KIF1B: variants seen among roughly 807,000 people sequenced by gnomAD.
KIF1B encodes the protein kinesin family member 1B.
In KIF1B, 76 loss-of-function variants were observed where a neutral mutation model predicts 241.9. The observed-to-expected ratio is 0.31, with a 90% CI of 0.26 to 0.38. The LOEUF (loss-of-function observed/expected upper bound fraction) is 0.38, where lower values mean the gene tolerates loss of function less well. Among genes scored for constraint, KIF1B ranks in the 10% least tolerant of loss-of-function variants. KIF1B has a pLI of 1.00. For missense variants in KIF1B, 1,622 were observed against 2,271.4 expected, an observed-to-expected ratio of 0.71 and a Z score of 5.81; for synonymous variants, 750 against 796.7, an observed-to-expected ratio of 0.94 and a Z score of 0.99.
At position 10,357,707 on chromosome 1, in the gene KIF1B, C is replaced by T. The variant is rs899353491; in HGVS notation, c.4056-3222C>T. Among the ~76,000 whole-genome samples the T allele has an allele frequency of 5.3e-5, 8 of 152,100 alleles. No individual in the cohort carries two copies. In the East Asian group the frequency reaches 1.5e-3, roughly 29 times the overall value. On this transcript the variant is annotated intron_variant, in intron 38 of 48. Transcript: ENST00000676179. ...TCCAGCCTGGGCAACAGAGCAAGACCCTTGTCTAAAAATAAAATAGGCCAG... is the reference window on the plus strand; with the variant it reads ...TCCAGCCTGGGCAACAGAGCAAGACTCTTGTCTAAAAATAAAATAGGCCAG...
rs565900670 is a variant in KIF1B at position 10,376,849 on chromosome 1, A to G, written c.*262A>G. The G allele has an allele frequency of 1.7e-5, 8 of 460,356 alleles. No homozygotes were observed. Among genetic ancestry groups the G allele is most frequent in the South Asian group, 1.7e-4 (8 of 47,814 alleles). 28.5% of individuals were successfully genotyped at this position (460,356 alleles called of 1,614,324 possible). A position where few individuals can be genotyped will look rare whatever the true frequency, so the allele number is the denominator to read the frequency against. ...AATGTTTTTAAACACACACACACAC[A>G]CACACACACACACACACATACACAG... is the stretch of plus-strand genomic sequence containing the variant. On this transcript the variant is annotated 3_prime_UTR_variant, in exon 49 of 49. Coordinates refer to ENST00000676179, the MANE Select transcript of KIF1B (RefSeq NM_001365951.3).
At chr1:10,275,589 A>G in intron 11 of KIF1B, 86 bp downstream of exon 11, 1 of 835,620 alleles carries the variant, frequency 1.2e-6, no homozygotes, top group East Asian at 2.4e-5. Flanking sequence ...TTTTGGAGAC[A>G]AATAATCTCT....
rs569477430 is a variant in KIF1B at position 10,276,195 on chromosome 1, A to G, written c.959-126A>G. ...TGAGACTCCCTCTCAAAAAAAAAAT[A>G]AAAGAAAGAAATTTGACATTACATT... On this transcript the variant is annotated intron_variant, in intron 11 of 48. Transcript: ENST00000676179. 1.5e-4 allele frequency: 113 copies of G among 762,330 alleles called. 1 individual carries two copies. The African/African-American group carries it at 1.7e-3, about 12-fold the overall frequency. 47.2% of individuals were successfully genotyped at this position (762,330 alleles called of 1,614,324 possible). A position where few individuals can be genotyped will look rare whatever the true frequency, so the allele number is the denominator to read the frequency against.
Position 10,365,730 on chromosome 1 carries a change from T to A in KIF1B, c.4752+82T>A. 2 of 1,582,826 alleles carry A rather than the reference T, an allele frequency of 1.3e-6. No homozygotes were observed. Among genetic ancestry groups the A allele is most frequent in the Non-Finnish European group, 1.7e-6 (2 of 1,159,416 alleles). On this transcript the variant is annotated intron_variant, in intron 43 of 48. Transcript: ENST00000676179. The surrounding 1 kb of genome is among the most constrained non-coding windows in gnomAD (Gnocchi z 4.0). ...TCTCGGTTTATTCATTTTCAACACC[T>A]TTGTTCGAGGTGTTTGAAGGCCTGT...
Position 10,377,496 on chromosome 1 carries a change from C to T in KIF1B, c.*909C>T, listed in dbSNP as rs1286237615. Reference sequence around the variant, plus strand: ...TTTTTTCTCTGTTGGGAGGGAAGCTCTTTTCTAGGAGTGTCTCAGTTCTGC... The same window carrying T: ...TTTTTTCTCTGTTGGGAGGGAAGCTTTTTTCTAGGAGTGTCTCAGTTCTGC... On this transcript the variant is annotated 3_prime_UTR_variant, in exon 49 of 49. Coordinates refer to ENST00000676179, the MANE Select transcript of KIF1B (RefSeq NM_001365951.3). 8.8e-6 allele frequency: 2 copies of T among 227,484 alleles called. No homozygotes were observed. Among genetic ancestry groups the T allele is most frequent in the Non-Finnish European group, 1.7e-5 (2 of 114,600 alleles). The allele number at this position is 227,484 out of a possible 1,614,324, so 14.1% of individuals were successfully genotyped here.
rs771574074 is a variant in KIF1B, at chr1:10,303,434, A to G, written c.2115+6188A>G. ...GAGATTTGCTATGAGGTTGCTCTCA[A>G]TGACTTCAGGCACAGTCGGCAGGAG... is the stretch of plus-strand genomic sequence containing the variant. On this transcript the variant is annotated intron_variant, in intron 22 of 48. Transcript: ENST00000676179. The surrounding 1 kb of genome is among the most constrained non-coding windows in gnomAD (Gnocchi z 5.2). The G allele has an allele frequency of 2.1e-5, 34 of 1,614,132 alleles. No homozygotes were observed. In the East Asian group the frequency reaches 3.3e-4, roughly 16 times the overall value.
chr1:10,223,104 T>C lies in KIF1B; in HGVS notation c.-79-9146T>C, dbSNP rs187335149. 2.5e-3 allele frequency among the ~76,000 whole-genome samples: 375 copies of C among 150,764 alleles called. 3 individuals are homozygous for C. The highest frequency in any genetic ancestry group is 8.1e-3 in the African/African-American group (331 of 40,866). On this transcript the variant is annotated intron_variant, in intron 1 of 48. Coordinates refer to ENST00000676179, the MANE Select transcript of KIF1B (RefSeq NM_001365951.3). ...CTGTCTCTACTAAAAATACAAAAAT[T>C]AGCCAGGTGTGGTGGCACGCACCTG...
rs1225116992 is a variant in KIF1B, at chr1:10,255,393, C to T, written c.107-854C>T. 2.0e-5 allele frequency among the ~76,000 whole-genome samples: 3 copies of T among 152,046 alleles called. No individual in the cohort carries two copies. In the East Asian group the frequency reaches 5.9e-4, roughly 30 times the overall value. ...TCACCTGAGGTCAGGAGTTCGAGAC[C>T]AGCCTGGCCAACATGGTGAAACCCT... On this transcript the variant is annotated intron_variant, in intron 2 of 48. Coordinates refer to ENST00000676179, the MANE Select transcript of KIF1B (RefSeq NM_001365951.3).
In KIF1B at chr1:10,230,372, A is replaced by C. The variant is rs531128984; in HGVS notation, c.-79-1878A>C. On this transcript the variant is annotated intron_variant, in intron 1 of 48. Transcript: ENST00000676179. ...TTTTCCTTTGTTTGGTTATTCTTGA[A>C]AAAGATTTTATATTGGATAGAGTGT... is the stretch of plus-strand genomic sequence containing the variant. Among the ~76,000 whole-genome samples the C allele has an allele frequency of 2.6e-5, 4 of 152,144 alleles. No homozygotes were observed. In the South Asian group the frequency reaches 8.3e-4, roughly 32 times the overall value.
chr1:10,218,029 G>T (rs1205948139), intron 1 of KIF1B, among the ~76,000 whole-genome samples: 1 of 152,072 alleles, frequency 6.6e-6, no homozygotes, highest in Non-Finnish European at 1.5e-5. Context: ...CAAATAAAGG[G>T]CTGGGGGGAG....
At chr1:10,364,196 G>A (rs1358996539) in intron 41 of KIF1B, among the ~76,000 whole-genome samples, 1 of 149,458 alleles carries the variant, frequency 6.7e-6, no homozygotes, top group Non-Finnish European at 1.5e-5. Flanking sequence ...TTTAGGGACA[G>A]GATCTTTTTT....
At chr1:10,218,200 C>T (rs1202417651) in intron 1 of KIF1B, among the ~76,000 whole-genome samples, 1 of 152,172 alleles carries the variant, frequency 6.6e-6, no homozygotes, top group Non-Finnish European at 1.5e-5. Context: ...CCTCCTGCCC[C>T]CCACTTCATG....
intron 2 of KIF1B, among the ~76,000 whole-genome samples, chr1:10,240,852 C>T (rs969137144): frequency 2.0e-5 from 3 of 151,438 alleles, no homozygotes; most frequent in Admixed American, 6.6e-5. Flanking sequence ...GTGTGAACCA[C>T]CACACCTGGC....
intron 22 of KIF1B, chr1:10,308,106 C>T: frequency 9.4e-7 from 1 of 1,060,656 alleles, no homozygotes; most frequent in Admixed American, 5.4e-5. Flanking sequence ...CATAGACTTC[C>T]TGCAGTCAGC....
chr1:10,364,266 G>T (rs765058330), intron 41 of KIF1B, among the ~76,000 whole-genome samples: 1 of 147,606 alleles, frequency 6.8e-6, no homozygotes, highest in African/African-American at 2.5e-5. Context: ...GTGTGGTGGC[G>T]CCATCTTGGC....
chr1:10,364,987 C>G, intron 41 of KIF1B, 113 bp from the exon 42 acceptor site: 1 of 916,286 alleles, frequency 1.1e-6, no homozygotes. Context: ...GCCTGGGCAA[C>G]AGAGCGAGAC....
rs769602520 is a variant in KIF1B, at chr1:10,337,075, G to A, written c.3131G>A (p.Ser1044Asn). ...ISFDNEYFNQSDFSSVAMTRS... is the reference protein window; with the variant it reads ...ISFDNEYFNQNDFSSVAMTRS... ...TATCTGCCCCTGCCTTTTTTTCAGA[G>A]TGACTTTTCGTCTGTTGCAATGACT... is the stretch of plus-strand genomic sequence containing the variant. Residue 1044 changes from serine to asparagine, a missense_variant and splice_region_variant, in exon 30 of 49, where the codon AGT becomes AAT. Ser to Asn is a conservative substitution (Grantham distance 46). Transcript: ENST00000676179. The surrounding 1 kb of genome is among the most constrained non-coding windows in gnomAD (Gnocchi z 4.0). 33 of 1,613,888 alleles carry A rather than the reference G, an allele frequency of 2.0e-5. No individual in the cohort carries two copies. The African/African-American group carries it at 4.0e-4, about 20-fold the overall frequency.
At chr1:10,294,955 A>G in intron 17 of KIF1B, 131 bp from the exon 18 acceptor site, 1 of 734,350 alleles carries the variant, frequency 1.4e-6, no homozygotes, top group Non-Finnish European at 2.5e-6. Flanking sequence ...AACCGCAACT[A>G]GGGATAAAAA....
At chr1:10,345,654 C>G (rs548766297) in intron 34 of KIF1B, 191 bp from the exon 35 acceptor site, 1 of 599,620 alleles carries the variant, frequency 1.7e-6, no homozygotes, top group East Asian at 2.9e-5. Context: ...TCCTTGTTCT[C>G]TGAATGTAGA....
Sources: allele counts gnomAD v4.1 joint callset (sites outside exome capture counted in the v4.1 genomes callset), GRCh38; gene constraint gnomAD v4.1.1; non-coding constraint Gnocchi (gnomAD v3.1); transcripts MANE v1.5; gene names NCBI Gene and HGNC (gene_info 2026-07-23, HGNC 2026-07-21).